Variants in NDUFAF6 observed in about 807,000 individuals in gnomAD.
NDUFAF6 encodes the protein NADH dehydrogenase (ubiquinone) complex I, assembly factor 6.
Under a neutral mutation model 40.8 loss-of-function variants are expected in NDUFAF6, and 45 were observed. That is an observed-to-expected ratio of 1.10 (90% CI 0.87 to 1.42). The LOEUF (loss-of-function observed/expected upper bound fraction) is 1.42. Ranked by LOEUF, NDUFAF6 falls within the 40% of genes most tolerant of loss-of-function variation. NDUFAF6 has a pLI of 0.00. For synonymous variants in NDUFAF6, 185 were observed against 155.9 expected (o/e 1.19, Z -1.39); for missense variants, 435 against 418.5 (o/e 1.04, Z -0.34).
At chr8:95,015,504 G>C (rs994498714) in intron 2 of NDUFAF6, among the ~76,000 whole-genome samples, 2 of 152,022 alleles carry the variant, frequency 1.3e-5, no homozygotes, top group Non-Finnish European at 2.9e-5. Context: ...TCCTAACTGC[G>C]GTACACTTTT....
intron 2 of NDUFAF6, among the ~76,000 whole-genome samples, chr8:94,946,803 C>G (rs1350863363): frequency 2.0e-5 from 3 of 149,910 alleles, no homozygotes; most frequent in African/African-American, 7.3e-5. Flanking sequence ...CTTGGTGTCT[C>G]TGTTTTCTCA....
At chr8:94,926,523 C>T (rs1819916143) in intron 1 of NDUFAF6, 1 of 148,676 alleles carries the variant, frequency 6.7e-6, no homozygotes, top group Non-Finnish European at 1.5e-5. Flanking sequence ...CATCTAACCT[C>T]CCCAGGTACT....
chr8:94,959,650 C>T (rs1823398341), intron 1 of NDUFAF6, among the ~76,000 whole-genome samples: 1 of 152,126 alleles, frequency 6.6e-6, no homozygotes, highest in African/African-American at 2.4e-5. Context: ...CCCACCTCAG[C>T]CTCCTGAGTA....
At position 94,909,845 on chromosome 8, in the gene NDUFAF6, A is replaced by G. The variant is rs1054798485; in HGVS notation, c.-936+13918A>G. 1.3e-4 allele frequency among the ~76,000 whole-genome samples: 19 copies of G among 151,676 alleles called. No individual in the cohort carries two copies. The South Asian group carries it at 1.9e-3, about 15-fold the overall frequency. ...ACACACACACATATATATATATAAA[A>G]GAATTACAAAAAGCTGGCTTCTCCA... On this transcript the variant is annotated intron_variant, in intron 1 of 14. Transcript: ENST00000396113.
intron 7 of NDUFAF6, among the ~76,000 whole-genome samples, chr8:95,049,612 C>A (rs1290140845): frequency 6.6e-6 from 1 of 152,148 alleles, no homozygotes; most frequent in African/African-American, 2.4e-5. Flanking sequence ...GAGTTGGACA[C>A]TTACCTGCAT....
intron 1 of NDUFAF6, among the ~76,000 whole-genome samples, chr8:94,906,214 G>A (rs539056320): frequency 6.6e-6 from 1 of 152,156 alleles, no homozygotes; most frequent in South Asian, 2.1e-4. Flanking sequence ...AGTCTGCCCT[G>A]CCCTCTTTGG....
chr8:95,114,455 A>G (rs1810084936), intron 4 of NDUFAF6, among the ~76,000 whole-genome samples: 1 of 152,214 alleles, frequency 6.6e-6, no homozygotes, highest in African/African-American at 2.4e-5. Context: ...TGTTTGCTGA[A>G]AGTCAATGGC....
Position 95,045,776 on chromosome 8 carries a change from G to GTT in NDUFAF6, c.580+136_580+137dup, listed in dbSNP as rs143855425. The GTT allele has an allele frequency of 9.6e-3, 6,364 of 662,992 alleles. 274 individuals are homozygous for GTT. In the African/African-American group the frequency reaches 0.1, roughly 11 times the overall value. The allele number at this position is 662,992 out of a possible 1,614,324, so 41.1% of individuals were successfully genotyped here. On this transcript the variant is annotated intron_variant, in intron 5 of 8. Coordinates refer to ENST00000396124, the MANE Select transcript of NDUFAF6 (RefSeq NM_152416.4). ...CCTTTATACTATCTGTAAAGGAACA[G>GTT]TTTTTTTTGTTATTATTATTAGCAA...
chr8:95,075,214 A>G (rs1832993441), intron 9 of NDUFAF6, among the ~76,000 whole-genome samples: 1 of 152,238 alleles, frequency 6.6e-6, no homozygotes, highest in Non-Finnish European at 1.5e-5. Context: ...ATGGAGCAAT[A>G]CACCAGGTTT....
intron 9 of NDUFAF6, among the ~76,000 whole-genome samples, chr8:95,070,845 A>G (rs145056690): frequency 2.1e-4 from 32 of 152,282 alleles, no homozygotes; most frequent in African/African-American, 4.3e-4. Flanking sequence ...AAAACTCTCT[A>G]TTGGTTTTGA....
downstream of NDUFAF6, among the ~76,000 whole-genome samples, chr8:95,118,374 T>C (rs1185573656): frequency 6.6e-6 from 1 of 152,210 alleles, no homozygotes; most frequent in African/African-American, 2.4e-5. Context: ...ACTCCTAACG[T>C]TGGTGCAATG....
chr8:94,926,283 A>G (rs887124885), intron 1 of NDUFAF6: 1 of 152,606 alleles, frequency 6.6e-6, no homozygotes, highest in Non-Finnish European at 1.5e-5. Flanking sequence ...AAGTTACTGA[A>G]AAAAAATGTG....
intron 1 of NDUFAF6, among the ~76,000 whole-genome samples, chr8:94,977,598 T>TTC (rs34370955): frequency 0.01 from 1,529 of 149,488 alleles, 34 homozygotes; most frequent in African/African-American, 0.034. Context: ...CCCTGCTGGG[T>TTC]TCTCTCTCTC....
At chr8:95,031,844 G>T in intron 1 of NDUFAF6, 151 bp from the exon 2 acceptor site, 1 of 687,302 alleles carries the variant, frequency 1.5e-6, no homozygotes, top group South Asian at 1.5e-5. Context: ...CAGGTGATCC[G>T]CCCGCCTTGG....
At chr8:94,983,644 A>G (rs1011707603) in intron 2 of NDUFAF6, among the ~76,000 whole-genome samples, 1 of 152,150 alleles carries the variant, frequency 6.6e-6, no homozygotes, top group African/African-American at 2.4e-5. Flanking sequence ...ACCTCACAAC[A>G]ATACTGTGGG....
At chr8:95,088,689 T>TG (rs1809133839) in intron 2 of NDUFAF6, among the ~76,000 whole-genome samples, 4 of 142,282 alleles carry the variant, frequency 2.8e-5, no homozygotes, top group Non-Finnish European at 6.0e-5. Flanking sequence ...TTTTGGGGTT[T>TG]TGTGTGTGTG....
At chr8:95,096,034 C>T (rs539387995), upstream of NDUFAF6, among the ~76,000 whole-genome samples, 2 of 152,238 alleles carry the variant, frequency 1.3e-5, no homozygotes, top group South Asian at 4.2e-4. Flanking sequence ...AAGCCTAGCT[C>T]CTTCAGTTTT....
chr8:95,093,027 T>C (rs1809315787), intron 2 of NDUFAF6, among the ~76,000 whole-genome samples: 1 of 151,580 alleles, frequency 6.6e-6, no homozygotes, highest in African/African-American at 2.4e-5. Context: ...AGAAAACATA[T>C]GCCGAGTTCC....
intron 1 of NDUFAF6, among the ~76,000 whole-genome samples, chr8:94,897,187 T>C (rs528594375): frequency 6.6e-6 from 1 of 152,298 alleles, no homozygotes; most frequent in South Asian, 2.1e-4. Context: ...GTAACGTTTG[T>C]GGGAATCATC....
Sources: allele counts gnomAD v4.1 joint callset (sites outside exome capture counted in the v4.1 genomes callset), GRCh38; gene constraint gnomAD v4.1.1; transcripts MANE v1.5; gene names NCBI Gene and HGNC (gene_info 2026-07-23, HGNC 2026-07-21).